The following TIAM1 variants were observed in gnomAD, a reference collection of about 807,000 sequenced individuals.
TIAM1 encodes TIAM Rac1 associated GEF 1, also known as rho guanine nucleotide exchange factor TIAM1.
A neutral mutation model predicts 163.5 loss-of-function variants in TIAM1; 65 were observed. That is an observed-to-expected ratio of 0.40 (90% CI 0.33 to 0.49). TIAM1 has a LOEUF of 0.49. TIAM1 is among the 20% of genes least tolerant of loss of function. The probability of loss-of-function intolerance (pLI) is 0.77; values close to 1 mark genes in which losing one functional copy is unlikely to be tolerated. For missense variants in TIAM1, 1,789 were observed against 2,044.7 expected (o/e 0.87, Z 2.41); for synonymous variants, 833 against 810.1 (o/e 1.03, Z -0.48).
intron 10 of TIAM1, among the ~76,000 whole-genome samples, chr21:31,210,608 AGGAAGGG>A (rs1471177381): frequency 1.9e-3 from 154 of 79,674 alleles, no homozygotes; most frequent in South Asian, 4.2e-3. Context: ...GAAAGAAGGA[AGGAAGGG>A]AGAAAGAAAG....
intron 1 of TIAM1, among the ~76,000 whole-genome samples, chr21:31,519,244 G>A (rs1178356920): frequency 2.7e-5 from 4 of 150,580 alleles, no homozygotes; most frequent in Non-Finnish European, 5.9e-5. Flanking sequence ...GGCGGAGGTT[G>A]CGGTGAGCCG....
chr21:31,323,386 G>A (rs987165926), intron 2 of TIAM1, among the ~76,000 whole-genome samples: 3 of 151,906 alleles, frequency 2.0e-5, no homozygotes, highest in African/African-American at 4.8e-5. Flanking sequence ...AGTATATGAC[G>A]TTCCAGAAAA....
rs2082605815 is a variant in TIAM1 at position 31,135,959 on chromosome 21, T to C, written c.3857A>G (p.Lys1286Arg). 6 of 1,614,090 alleles carry C rather than the reference T, an allele frequency of 3.7e-6. No homozygotes were observed. The highest frequency in any genetic ancestry group is 5.1e-6 in the Non-Finnish European group (6 of 1,180,034). Residue 1286 changes from lysine to arginine, a missense_variant, in exon 23 of 28, where the codon AAA becomes AGA. By Grantham distance (26) the Lys-to-Arg change is conservative (BLOSUM62 2). Around this residue, in one of 5 missense-constraint regions of TIAM1, gnomAD observed 415 missense variants for 439.2 expected, o/e 0.94. Transcript: ENST00000541036. ...GAATGCTGCCAACTCTGGTTCCTTTTTCCACTTGCCCAGCGAGGCCGGCGG... is the reference window on the plus strand; with the variant it reads ...GAATGCTGCCAACTCTGGTTCCTTTCTCCACTTGCCCAGCGAGGCCGGCGG... ...LNPPASLGKW[K>R]KEPELAAFVF...
chr21:31,556,454 G>A (rs1047052342), intron 1 of TIAM1, among the ~76,000 whole-genome samples: 6 of 152,128 alleles, frequency 3.9e-5, no homozygotes, highest in Non-Finnish European at 7.4e-5. Context: ...GCTGGCAAAG[G>A]CCCCTGGGGC....
chr21:31,479,462 T>A (rs904655177), intron 1 of TIAM1, among the ~76,000 whole-genome samples: 3 of 151,726 alleles, frequency 2.0e-5, no homozygotes, highest in African/African-American at 7.3e-5. Context: ...GATAGATGGA[T>A]GGATGGATGG....
intron 2 of TIAM1, among the ~76,000 whole-genome samples, chr21:31,298,065 T>C (rs1292275302): frequency 1.3e-5 from 2 of 152,320 alleles, no homozygotes; most frequent in Admixed American, 6.5e-5. Context: ...GGAGGGCACA[T>C]GACTTACTCT....
chr21:31,239,671 G>GC lies in TIAM1; in HGVS notation c.1584+5816dup, dbSNP rs567717061. Among the ~76,000 whole-genome samples the GC allele has an allele frequency of 4.6e-5, 7 of 152,022 alleles. No individual in the cohort carries two copies. The East Asian group carries it at 1.2e-3, about 25-fold the overall frequency. Reference sequence around the variant, plus strand: ...CGATGATATACAAAATACACAAAGAGCTGCCATAAATCATTAACAAAGAAA... The same window carrying GC: ...CGATGATATACAAAATACACAAAGAGCCTGCCATAAATCATTAACAAAGAAA... On this transcript the variant is annotated intron_variant, in intron 6 of 27. Transcript: ENST00000541036.
chr21:31,489,648 G>A (rs1032012483), intron 1 of TIAM1, among the ~76,000 whole-genome samples: 2 of 150,222 alleles, frequency 1.3e-5, no homozygotes, highest in African/African-American at 4.9e-5. Context: ...CATGACCTTA[G>A]GAAGCCATCC....
chr21:31,247,964 C>T (rs1346684318), intron 5 of TIAM1, among the ~76,000 whole-genome samples: 1 of 152,154 alleles, frequency 6.6e-6, no homozygotes, highest in Admixed American at 6.5e-5. Context: ...ATGGGGCAAA[C>T]TTGGCAATGT....
chr21:31,385,625 C>CA (rs1385492568), intron 2 of TIAM1, among the ~76,000 whole-genome samples: 1 of 150,058 alleles, frequency 6.7e-6, no homozygotes, highest in African/African-American at 2.5e-5. Context: ...GGTAAGGTCC[C>CA]AAAACTACAA....
chr21:31,284,421 AG>A (rs2073706600), intron 2 of TIAM1, among the ~76,000 whole-genome samples: 1 of 152,164 alleles, frequency 6.6e-6, no homozygotes, highest in Admixed American at 6.5e-5. Flanking sequence ...CAGGCACAGG[AG>A]GAAGCCACAC....
intron 2 of TIAM1, among the ~76,000 whole-genome samples, chr21:31,369,583 AAAT>A (rs1200050586): frequency 6.6e-6 from 1 of 152,218 alleles, no homozygotes; most frequent in Non-Finnish European, 1.5e-5. Context: ...CAACGTAAAA[AAAT>A]AATAAATGTT....
chr21:31,272,570 T>C (rs1415697294), intron 3 of TIAM1, among the ~76,000 whole-genome samples: 1 of 152,100 alleles, frequency 6.6e-6, no homozygotes, highest in African/African-American at 2.4e-5. Context: ...TCATGTAAGA[T>C]GCAACCATTA....
At chr21:31,389,221 A>G (rs1569288906) in intron 2 of TIAM1, among the ~76,000 whole-genome samples, 1 of 151,568 alleles carries the variant, frequency 6.6e-6, no homozygotes, top group Non-Finnish European at 1.5e-5. Flanking sequence ...ATTTTATTTT[A>G]TTTTATTTTA....
chr21:31,258,548 T>C (rs1569118922), intron 4 of TIAM1, among the ~76,000 whole-genome samples: 1 of 152,178 alleles, frequency 6.6e-6, no homozygotes, highest in East Asian at 1.9e-4. Context: ...AAAGATATAT[T>C]AGGCTGGACG....
rs530774164 is a variant in TIAM1 at position 31,397,576 on chromosome 21, G to A, written c.-368-58154C>T. Reference sequence around the variant, plus strand: ...CTGGTTTAAGTTGCCCAATATCCCCGCGCCAGAAATGAGATAACAGGACAA... The same window carrying A: ...CTGGTTTAAGTTGCCCAATATCCCCACGCCAGAAATGAGATAACAGGACAA... On this transcript the variant is annotated intron_variant, in intron 2 of 28. Coordinates refer to the TIAM1 transcript ENST00000286827. Among the ~76,000 whole-genome samples, 27 of 152,152 alleles carry A rather than the reference G, an allele frequency of 1.8e-4. 1 individual carries two copies. The Middle Eastern group carries it at 0.017, about 96-fold the overall frequency.
intron 2 of TIAM1, among the ~76,000 whole-genome samples, chr21:31,290,943 A>G (rs2073997002): frequency 6.6e-6 from 1 of 152,216 alleles, no homozygotes; most frequent in Admixed American, 6.5e-5. Context: ...ATCTGGTGAT[A>G]GCACTAGCGC....
At chr21:31,412,092 A>G (rs965682372) in intron 2 of TIAM1, among the ~76,000 whole-genome samples, 1 of 152,238 alleles carries the variant, frequency 6.6e-6, no homozygotes, top group African/African-American at 2.4e-5. Flanking sequence ...ACAATGGAAT[A>G]GTATTCAGTT....
chr21:31,137,745 A>G (rs1359588545), intron 22 of TIAM1, among the ~76,000 whole-genome samples: 2 of 151,518 alleles, frequency 1.3e-5, no homozygotes, highest in Non-Finnish European at 2.9e-5. Context: ...CCTTCCAGCC[A>G]TGGGAAGGAC....
Sources: gnomAD v4.1 joint callset for allele counts (sites outside exome capture counted in the v4.1 genomes callset) on GRCh38, gnomAD v4.1.1 for gene constraint, gnomAD v4.1.1 regional missense constraint, MANE v1.5 for transcripts, NCBI Gene and HGNC (gene_info 2026-07-23, HGNC 2026-07-21) for gene names.